The following PDE3B variants were observed in gnomAD, a reference collection of about 807,000 sequenced individuals.
PDE3B encodes the protein phosphodiesterase 3B, also known as cGMP-inhibited 3',5'-cyclic phosphodiesterase 3B.
A neutral mutation model predicts 116.8 loss-of-function variants in PDE3B; 66 were observed. That is an observed-to-expected ratio of 0.56 (90% CI 0.46 to 0.69). The LOEUF is 0.69. PDE3B is among the 30% of genes least tolerant of loss of function. PDE3B has a pLI of 0.00. For synonymous variants in PDE3B, 595 were observed against 533.6 expected, an observed-to-expected ratio of 1.12 and a Z score of -1.59; for missense variants, 1,384 against 1,368.1, an observed-to-expected ratio of 1.01 and a Z score of -0.18.
At chr11:14,692,654 GCA>G (rs1855077972) in intron 1 of PDE3B, among the ~76,000 whole-genome samples, 1 of 152,048 alleles carries the variant, frequency 6.6e-6, no homozygotes, top group African/African-American at 2.4e-5. Context: ...ACGAATCACT[GCA>G]CCCAGAGAAG....
intron 1 of PDE3B, among the ~76,000 whole-genome samples, chr11:14,690,856 T>C (rs1051902353): frequency 2.0e-5 from 3 of 152,170 alleles, no homozygotes; most frequent in Non-Finnish European, 4.4e-5. Flanking sequence ...GTTGTGTACT[T>C]TTTAAAGAAA....
chr11:14,709,674 T>C (rs1337257310), intron 1 of PDE3B, among the ~76,000 whole-genome samples: 3 of 152,204 alleles, frequency 2.0e-5, no homozygotes, highest in African/African-American at 7.2e-5. Context: ...CCCGCACCAC[T>C]AGTGCCAAGA....
chr11:14,667,138 C>CATGG (rs1854184607), intron 1 of PDE3B, among the ~76,000 whole-genome samples: 1 of 151,944 alleles, frequency 6.6e-6, no homozygotes, highest in Non-Finnish European at 1.5e-5. Flanking sequence ...TTTGTAGGGA[C>CATGG]ATGGATGAAA....
chr11:14,716,331 C>T (rs1044998830), intron 1 of PDE3B, among the ~76,000 whole-genome samples: 28 of 152,088 alleles, frequency 1.8e-4, no homozygotes, highest in African/African-American at 5.8e-4. Flanking sequence ...AAGGCGGCAG[C>T]GAGGCTGGGG....
the PDE3B span, among the ~76,000 whole-genome samples, chr11:14,884,267 A>T: frequency 6.6e-6 from 1 of 151,922 alleles, no homozygotes; most frequent in Non-Finnish European, 1.5e-5. Context: ...AATAGCAAAG[A>T]CTTGGAACCA....
intron 11 of PDE3B, among the ~76,000 whole-genome samples, chr11:14,836,918 A>G (rs1386871726): frequency 2.0e-5 from 3 of 152,164 alleles, no homozygotes; most frequent in South Asian, 2.1e-4. Flanking sequence ...GGTTCAAGCA[A>G]TTCTCCTGCC....
At chr11:14,783,601 G>T (rs1858098595) in intron 2 of PDE3B, among the ~76,000 whole-genome samples, 2 of 152,062 alleles carry the variant, frequency 1.3e-5, no homozygotes, top group Non-Finnish European at 2.9e-5. Flanking sequence ...ACACACCGGG[G>T]CTTGTAGTGG....
chr11:14,844,075 G>T, intron 12 of PDE3B, 49 bp downstream of exon 12: 1 of 1,348,206 alleles, frequency 7.4e-7, no homozygotes, highest in Non-Finnish European at 1.1e-6. Flanking sequence ...GAAATTTTCA[G>T]TCATGCTGTG....
At position 14,728,651 on chromosome 11, in the gene PDE3B, T is replaced by A. The variant is rs117164464; in HGVS notation, c.979-43286T>A. Among the ~76,000 whole-genome samples the A allele has an allele frequency of 2.6e-5, 4 of 152,248 alleles. No individual in the cohort carries two copies. In the South Asian group the frequency reaches 8.3e-4, roughly 32 times the overall value. On this transcript the variant is annotated intron_variant, in intron 1 of 15. Coordinates refer to ENST00000282096, the MANE Select transcript of PDE3B (RefSeq NM_000922.4). ...AACTAGGATTGAAATCTAGATCTAC[T>A]TGATACTTAAGCTTCCTCTTACACT...
At chr11:14,697,144 C>T (rs947321681) in intron 1 of PDE3B, among the ~76,000 whole-genome samples, 4 of 151,984 alleles carry the variant, frequency 2.6e-5, no homozygotes, top group African/African-American at 9.7e-5. Context: ...TACCATGTTG[C>T]CCAGCCTGGC....
rs201018133 is a variant in PDE3B, at chr11:14,810,274, G to C, written c.1522+6224G>C. ...GCTGGTGCGCTGCACCCACTAACTC[G>C]TCATCTAGCATTAGGCATATCTCCC... On this transcript the variant is annotated intron_variant, in intron 5 of 15. Transcript: ENST00000282096. 7.6e-4 allele frequency among the ~76,000 whole-genome samples: 115 copies of C among 150,576 alleles called. No individual in the cohort carries two copies. In the East Asian group the frequency reaches 0.016, roughly 21 times the overall value.
chr11:14,845,489 G>C lies in PDE3B; in HGVS notation c.2520+1463G>C, dbSNP rs1170003782. 2.6e-5 allele frequency among the ~76,000 whole-genome samples: 4 copies of C among 152,340 alleles called. No individual in the cohort carries two copies. The East Asian group carries it at 5.8e-4, about 22-fold the overall frequency. Reference sequence around the variant, plus strand: ...CAGCAATGGAACAAAGCTGGACGGAGAATGACTTTGACGAGTTGAGAGAAG... The same window carrying C: ...CAGCAATGGAACAAAGCTGGACGGACAATGACTTTGACGAGTTGAGAGAAG... On this transcript the variant is annotated intron_variant, in intron 12 of 15. Transcript: ENST00000282096.
At chr11:14,849,820 T>G (rs1032884501) in intron 12 of PDE3B, among the ~76,000 whole-genome samples, 153 of 151,770 alleles carry the variant, frequency 1.0e-3, no homozygotes, top group Admixed American at 1.7e-3. Context: ...ATGGCAATCA[T>G]TAAAAAGTCA....
At chr11:14,760,360 T>C (rs1447792512) in intron 1 of PDE3B, among the ~76,000 whole-genome samples, 2 of 152,228 alleles carry the variant, frequency 1.3e-5, no homozygotes, top group African/African-American at 4.8e-5. Context: ...TATTAAACAA[T>C]GATTATGTGC....
intron 1 of PDE3B, among the ~76,000 whole-genome samples, chr11:14,688,143 CCCT>C (rs1854938466): frequency 1.9e-5 from 2 of 105,692 alleles, no homozygotes; most frequent in South Asian, 3.2e-4. Context: ...CTCTCTCTCT[CCCT>C]CCCTCCCTCC....
At chr11:14,874,727 T>C (rs1848174052), downstream of PDE3B, among the ~76,000 whole-genome samples, 1 of 152,220 alleles carries the variant, frequency 6.6e-6, no homozygotes, top group Admixed American at 6.6e-5. Flanking sequence ...TATTCTGTGT[T>C]CTACCATTTC....
At chr11:14,867,377 T>G (rs547714306) in intron 14 of PDE3B, 129 bp from the exon 15 acceptor site, 1 of 712,414 alleles carries the variant, frequency 1.4e-6, no homozygotes. Context: ...GATAGATTGA[T>G]GCTTATTCAT....
the PDE3B span, among the ~76,000 whole-genome samples, chr11:14,897,922 GCTTT>G: frequency 9.9e-5 from 15 of 152,098 alleles, no homozygotes; most frequent in Non-Finnish European, 1.9e-4. Context: ...ACCTTGCAGG[GCTTT>G]CTCTTTTTCA....
intron 1 of PDE3B, among the ~76,000 whole-genome samples, chr11:14,667,780 T>C (rs1342280900): frequency 6.6e-6 from 1 of 151,434 alleles, no homozygotes; most frequent in Middle Eastern, 3.2e-3. Context: ...ATGGCACATA[T>C]ATACATATGT....
Sources: gnomAD v4.1 joint callset for allele counts (sites outside exome capture counted in the v4.1 genomes callset) on GRCh38, gnomAD v4.1.1 for gene constraint, MANE v1.5 for transcripts, NCBI Gene and HGNC (gene_info 2026-07-23, HGNC 2026-07-21) for gene names.